Variants in RAB38 observed in about 807,000 individuals in gnomAD.
The protein encoded by RAB38 is RAB38, member RAS oncogene family, also known as ras-related protein Rab-38.
RAB38 carries 15 observed loss-of-function variants against 18.4 expected under a neutral mutation model. The ratio of observed to expected loss-of-function variants is 0.82; its 90% CI spans 0.55 to 1.26. RAB38 has a LOEUF of 1.26. Ranked by LOEUF, RAB38 falls within the 50% of genes most tolerant of loss-of-function variation. The pLI is 0.00. For missense variants in RAB38, 294 were observed against 267.4 expected (o/e 1.10, Z -0.69); for synonymous variants, 101 against 104.4 (o/e 0.97, Z 0.20).
At chr11:87,873,882 A>G in the RAB38 span, among the ~76,000 whole-genome samples, 53 of 104,682 alleles carry the variant, frequency 5.1e-4, no homozygotes, top group African/African-American at 1.9e-3. Context: ...GTGTGTATAT[A>G]TATGTGTGTG....
the RAB38 span, among the ~76,000 whole-genome samples, chr11:87,858,987 A>T: frequency 6.6e-6 from 1 of 151,788 alleles, no homozygotes; most frequent in African/African-American, 2.4e-5. Flanking sequence ...GCCAAGCAAC[A>T]GACTTAGAAT....
chr11:87,960,121 G>A, the RAB38 span, among the ~76,000 whole-genome samples: 1 of 152,050 alleles, frequency 6.6e-6, no homozygotes, highest in South Asian at 2.1e-4. Flanking sequence ...CATTTTCAGG[G>A]CTTTTAAATC....
At chr11:88,133,120 C>T (rs1942786764) in intron 2 of RAB38, among the ~76,000 whole-genome samples, 1 of 151,992 alleles carries the variant, frequency 6.6e-6, no homozygotes, top group African/African-American at 2.4e-5. Context: ...CAGATCTGGC[C>T]ACTCCATTTA....
At chr11:87,907,605 T>C in the RAB38 span, among the ~76,000 whole-genome samples, 2 of 151,694 alleles carry the variant, frequency 1.3e-5, no homozygotes, top group Admixed American at 1.3e-4. Flanking sequence ...TTCCAATATA[T>C]AAAAATTAAA....
rs187611194 is a variant in RAB38, at chr11:88,150,576, T to C, written c.203-621A>G. On this transcript the variant is annotated intron_variant, in intron 1 of 2. Coordinates refer to ENST00000243662, the MANE Select transcript of RAB38 (RefSeq NM_022337.3). ...AATCTAGTCCAATTAAAGGTTATAA[T>C]ACTAGCTACCATTCATTCATGTTTA... 1.2e-3 allele frequency among the ~76,000 whole-genome samples: 179 copies of C among 152,336 alleles called. 1 individual carries two copies. Among genetic ancestry groups the C allele is most frequent in the Admixed American group, 0.01 (158 of 15,294 alleles).
the RAB38 span, among the ~76,000 whole-genome samples, chr11:87,920,460 A>G: frequency 6.6e-6 from 1 of 151,988 alleles, no homozygotes; most frequent in East Asian, 1.9e-4. Context: ...TATTTTTCCT[A>G]TTATTGAATT....
chr11:88,082,898 C>T, the RAB38 span, among the ~76,000 whole-genome samples: 1 of 151,898 alleles, frequency 6.6e-6, no homozygotes, highest in Non-Finnish European at 1.5e-5. Context: ...CAATGGCTTT[C>T]TTTCTCATAA....
the RAB38 span, among the ~76,000 whole-genome samples, chr11:88,006,599 ATATACACAT>A: frequency 7.2e-6 from 1 of 137,974 alleles, no homozygotes; most frequent in Non-Finnish European, 1.6e-5. Flanking sequence ...TATATAATAT[ATATACACAT>A]TATATATATG....
At chr11:87,869,644 G>C in the RAB38 span, among the ~76,000 whole-genome samples, 1 of 151,422 alleles carries the variant, frequency 6.6e-6, no homozygotes, top group African/African-American at 2.4e-5. Flanking sequence ...GTGAAGTTTT[G>C]AACTGAAAAA....
intron 2 of RAB38, among the ~76,000 whole-genome samples, chr11:88,120,629 A>C (rs1232743136): frequency 6.6e-6 from 1 of 152,158 alleles, no homozygotes; most frequent in East Asian, 1.9e-4. Flanking sequence ...TAGTGAAGAG[A>C]AAGGTTCACA....
At chr11:87,927,854 C>A in the RAB38 span, among the ~76,000 whole-genome samples, 47 of 151,888 alleles carry the variant, frequency 3.1e-4, no homozygotes, top group Non-Finnish European at 4.4e-4. Context: ...ATCATTTGAG[C>A]CCAGGAGTTC....
intron 2 of RAB38, among the ~76,000 whole-genome samples, chr11:88,143,835 T>A (rs375471203): frequency 6.6e-6 from 1 of 152,354 alleles, no homozygotes. Context: ...TCTATTCTCC[T>A]ATTATACAGT....
chr11:87,866,302 A>G, the RAB38 span, among the ~76,000 whole-genome samples: 1 of 151,700 alleles, frequency 6.6e-6, no homozygotes, highest in Non-Finnish European at 1.5e-5. Flanking sequence ...CTATATGTAC[A>G]TTAATTTGTG....
At chr11:87,880,210 C>T in the RAB38 span, 3 of 151,730 alleles carry the variant, frequency 2.0e-5, no homozygotes, top group African/African-American at 7.3e-5. Context: ...GCCATGTGTT[C>T]ACCAAACCGC....
At chr11:87,957,161 T>A in the RAB38 span, among the ~76,000 whole-genome samples, 1 of 152,144 alleles carries the variant, frequency 6.6e-6, no homozygotes, top group Non-Finnish European at 1.5e-5. Flanking sequence ...TGATTCCCCC[T>A]TTGTCCCTTA....
chr11:87,857,898 T>C, the RAB38 span, among the ~76,000 whole-genome samples: 2 of 152,236 alleles, frequency 1.3e-5, no homozygotes, highest in African/African-American at 2.4e-5. Context: ...TTGGCTTTTG[T>C]TGCCACTGCT....
At chr11:88,073,978 C>T in the RAB38 span, among the ~76,000 whole-genome samples, 1 of 148,044 alleles carries the variant, frequency 6.8e-6, no homozygotes, top group African/African-American at 2.5e-5. Context: ...TGACAATACA[C>T]AGTCAAAGGA....
chr11:87,877,171 A>G, the RAB38 span, among the ~76,000 whole-genome samples: 4 of 151,568 alleles, frequency 2.6e-5, no homozygotes, highest in Non-Finnish European at 4.4e-5. Context: ...CCATGGAACC[A>G]GGACCTCTTT....
At chr11:87,976,189 T>C in the RAB38 span, among the ~76,000 whole-genome samples, 1 of 147,516 alleles carries the variant, frequency 6.8e-6, no homozygotes, top group Non-Finnish European at 1.5e-5. Context: ...TATAGGTATA[T>C]TTATATATAC....
Sources: gnomAD v4.1 joint callset for allele counts (sites outside exome capture counted in the v4.1 genomes callset) on GRCh38, gnomAD v4.1.1 for gene constraint, MANE v1.5 for transcripts, NCBI Gene and HGNC (gene_info 2026-07-23, HGNC 2026-07-21) for gene names.